ENOX1: variants seen among roughly 807,000 people sequenced by gnomAD.
The protein encoded by ENOX1 is ecto-NOX disulfide-thiol exchanger 1, also known as candidate growth-related and time keeping constitutive hydroquinone (NADH) oxidase.
In ENOX1, 42 loss-of-function variants were observed where a neutral mutation model predicts 82.5. The ratio of observed to expected loss-of-function variants is 0.51; its 90% CI spans 0.40 to 0.66. The LOEUF is 0.66. ENOX1 is among the 30% of genes least tolerant of loss of function. The pLI is 0.00. For missense variants in ENOX1, 608 were observed against 811.6 expected (o/e 0.75, Z 3.05); for synonymous variants, 271 against 282.2 (o/e 0.96, Z 0.40).
chr13:43,781,117 C>T (rs1166275221), intron 1 of ENOX1, among the ~76,000 whole-genome samples: 1 of 152,134 alleles, frequency 6.6e-6, no homozygotes, highest in Non-Finnish European at 1.5e-5. Context: ...CAAATATATT[C>T]CAAAATATCA....
chr13:43,735,911 G>A (rs2089606095), intron 1 of ENOX1, among the ~76,000 whole-genome samples: 1 of 152,200 alleles, frequency 6.6e-6, no homozygotes, highest in Admixed American at 6.5e-5. Context: ...CACAGACAAT[G>A]ACAGGAAGAA....
At chr13:43,570,528 G>A (rs958844943) in intron 2 of ENOX1, among the ~76,000 whole-genome samples, 2 of 152,120 alleles carry the variant, frequency 1.3e-5, no homozygotes, top group African/African-American at 4.8e-5. Context: ...AAGGGGTATC[G>A]ATCATGTTAG....
chr13:43,778,827 A>G (rs746002208), intron 1 of ENOX1, among the ~76,000 whole-genome samples: 1 of 152,178 alleles, frequency 6.6e-6, no homozygotes, highest in Non-Finnish European at 1.5e-5. Context: ...GCCAAGTCCA[A>G]TGGGCAGGGC....
intron 2 of ENOX1, among the ~76,000 whole-genome samples, chr13:43,622,829 T>C (rs2082798959): frequency 6.6e-6 from 1 of 152,020 alleles, no homozygotes; most frequent in Non-Finnish European, 1.5e-5. Flanking sequence ...CCTAAGATTA[T>C]ATGCCCTTTA....
At chr13:43,716,221 G>A (rs1379692773) in intron 1 of ENOX1, among the ~76,000 whole-genome samples, 4 of 152,088 alleles carry the variant, frequency 2.6e-5, no homozygotes, top group African/African-American at 2.4e-5. Context: ...TGATGGTGAC[G>A]TACAGATGGG....
chr13:43,482,292 G>A (rs1454275808), intron 3 of ENOX1, among the ~76,000 whole-genome samples: 1 of 152,146 alleles, frequency 6.6e-6, no homozygotes, highest in African/African-American at 2.4e-5. Flanking sequence ...TAGAACAGAA[G>A]ATTATTAAGC....
chr13:43,244,104 A>G (rs1267024550), intron 14 of ENOX1, among the ~76,000 whole-genome samples: 1 of 150,958 alleles, frequency 6.6e-6, no homozygotes, highest in Admixed American at 6.6e-5. Context: ...GCCGAATGGA[A>G]GCTGTGTTCT....
intron 5 of ENOX1, among the ~76,000 whole-genome samples, chr13:43,374,541 A>G (rs1009846767): frequency 6.6e-6 from 1 of 152,326 alleles, no homozygotes; most frequent in African/African-American, 2.4e-5. Flanking sequence ...CACTGTGCCC[A>G]GAAAGGATTT....
intron 12 of ENOX1, among the ~76,000 whole-genome samples, chr13:43,285,810 C>CAAAAAAA (rs11417324): frequency 1.5e-5 from 1 of 67,460 alleles, no homozygotes; most frequent in Non-Finnish European, 2.6e-5. Context: ...GACTCTGTCT[C>CAAAAAAA]AAAAAAAAAA....
chr13:43,320,407 G>T (rs768377045), intron 11 of ENOX1, among the ~76,000 whole-genome samples: 11 of 152,076 alleles, frequency 7.2e-5, no homozygotes, highest in African/African-American at 1.2e-4. Context: ...TTTTTTAAAA[G>T]TTCAGGCTCT....
intron 9 of ENOX1, among the ~76,000 whole-genome samples, chr13:43,338,197 T>C (rs1269360059): frequency 1.3e-5 from 2 of 152,206 alleles, no homozygotes; most frequent in African/African-American, 4.8e-5. Context: ...AATAACTGAA[T>C]GTGGTAGTCC....
rs531603749 is a variant in ENOX1 at position 43,421,837 on chromosome 13, A to G, written c.-74-8849T>C. Among the ~76,000 whole-genome samples the G allele has an allele frequency of 4.0e-5, 6 of 150,286 alleles. No homozygotes were observed. The South Asian group carries it at 1.0e-3, about 26-fold the overall frequency. ...TGTGGTAGGTGTTAAATATATATAT[A>G]ATATAGTTATAAATTTATAAAATAT... On this transcript the variant is annotated intron_variant, in intron 3 of 16. Transcript: ENST00000690772.
At chr13:43,310,588 A>G (rs1305212105) in intron 11 of ENOX1, among the ~76,000 whole-genome samples, 5 of 152,200 alleles carry the variant, frequency 3.3e-5, no homozygotes, top group Admixed American at 1.3e-4. Flanking sequence ...CTGATGATCC[A>G]GCATCAATTA....
intron 2 of ENOX1, among the ~76,000 whole-genome samples, chr13:43,487,217 A>G (rs2076459026): frequency 6.6e-6 from 1 of 152,076 alleles, no homozygotes; most frequent in African/African-American, 2.4e-5. Flanking sequence ...ATTGTTGTAT[A>G]ACAGATCATG....
intron 2 of ENOX1, among the ~76,000 whole-genome samples, chr13:43,663,791 A>G (rs2084847039): frequency 6.6e-6 from 1 of 152,194 alleles, no homozygotes; most frequent in Non-Finnish European, 1.5e-5. Context: ...GGAAAGTAAA[A>G]ATATGAAAGA....
At chr13:43,641,020 G>A (rs1249920616) in intron 2 of ENOX1, among the ~76,000 whole-genome samples, 2 of 152,020 alleles carry the variant, frequency 1.3e-5, no homozygotes, top group Non-Finnish European at 2.9e-5. Flanking sequence ...TCCTGCCTTG[G>A]AAAGAGAAAG....
chr13:43,632,710 G>A (rs1229514184), intron 2 of ENOX1, among the ~76,000 whole-genome samples: 4 of 152,062 alleles, frequency 2.6e-5, no homozygotes, highest in African/African-American at 9.7e-5. Flanking sequence ...GCTTCCCAAA[G>A]TGCTGGGATT....
At chr13:43,495,500 A>G (rs1343706019) in intron 2 of ENOX1, among the ~76,000 whole-genome samples, 2 of 152,022 alleles carry the variant, frequency 1.3e-5, no homozygotes, top group African/African-American at 4.8e-5. Context: ...CCAGTAGTTA[A>G]TTCATAAGTA....
At chr13:43,318,250 A>AAT (rs1181408810) in intron 11 of ENOX1, among the ~76,000 whole-genome samples, 1 of 152,198 alleles carries the variant, frequency 6.6e-6, no homozygotes, top group Non-Finnish European at 1.5e-5. Context: ...ACACTCATCA[A>AAT]ATATTGGGTG....
Sources: gnomAD v4.1 joint callset for allele counts (sites outside exome capture counted in the v4.1 genomes callset) on GRCh38, gnomAD v4.1.1 for gene constraint, MANE v1.5 for transcripts, NCBI Gene and HGNC (gene_info 2026-07-23, HGNC 2026-07-21) for gene names.